RSF1: variants seen among roughly 807,000 people sequenced by gnomAD.
RSF1 encodes the protein HBV pX-associated protein 8.
In RSF1, 13 loss-of-function variants were observed where a neutral mutation model predicts 145.2. The ratio of observed to expected loss-of-function variants is 0.09; its 90% CI spans 0.06 to 0.14. The LOEUF (loss-of-function observed/expected upper bound fraction) is 0.14, where lower values mean the gene tolerates loss of function less well. Among genes scored for constraint, RSF1 ranks in the 10% least tolerant of loss-of-function variants. RSF1 has a pLI of 1.00. For synonymous variants in RSF1, 577 were observed against 592.6 expected, an observed-to-expected ratio of 0.97 and a Z score of 0.38; for missense variants, 1,517 against 1,718.2, an observed-to-expected ratio of 0.88 and a Z score of 2.07.
At chr11:77,869,042 CT>C in the RSF1 span, 1 of 340,392 alleles carries the variant, frequency 2.9e-6, no homozygotes. Context: ...TGGGACATTC[CT>C]TTTTGAACAG....
At chr11:77,805,276 C>T (rs1001846963) in intron 1 of RSF1, among the ~76,000 whole-genome samples, 1 of 151,942 alleles carries the variant, frequency 6.6e-6, no homozygotes, top group Non-Finnish European at 1.5e-5. Flanking sequence ...CGAGACCAGC[C>T]CGGCCTACAT....
At chr11:77,808,637 C>T (rs1286362073) in intron 1 of RSF1, among the ~76,000 whole-genome samples, 1 of 112,330 alleles carries the variant, frequency 8.9e-6, no homozygotes, top group Non-Finnish European at 1.7e-5. Flanking sequence ...GGGTTCACGC[C>T]ATTCTCCTGC....
intron 1 of RSF1, among the ~76,000 whole-genome samples, 158 bp from the exon 2 acceptor site, chr11:77,764,847 A>C (rs1040164558): frequency 6.6e-5 from 10 of 152,230 alleles, no homozygotes; most frequent in Non-Finnish European, 1.3e-4. Flanking sequence ...AAAAAAGCCT[A>C]AACTACAGCA....
intron 5 of RSF1, among the ~76,000 whole-genome samples, chr11:77,722,384 A>G (rs1280162308): frequency 1.3e-5 from 2 of 152,148 alleles, no homozygotes; most frequent in Non-Finnish European, 2.9e-5. Context: ...AGATGACCTT[A>G]TTACTCAAAA....
intron 1 of RSF1, among the ~76,000 whole-genome samples, chr11:77,767,234 T>C (rs1948235727): frequency 6.6e-6 from 1 of 152,190 alleles, no homozygotes; most frequent in Admixed American, 6.5e-5. Flanking sequence ...ATTTCTCCTT[T>C]TCCACAAACA....
intron 15 of RSF1, among the ~76,000 whole-genome samples, chr11:77,670,267 T>C (rs1022932317): frequency 1.3e-5 from 2 of 152,254 alleles, no homozygotes; most frequent in African/African-American, 2.4e-5. Flanking sequence ...TTCTGTTTGC[T>C]GAACATGACA....
upstream of RSF1, among the ~76,000 whole-genome samples, chr11:77,823,239 T>G (rs570091679): frequency 6.6e-4 from 79 of 119,788 alleles, no homozygotes; most frequent in Middle Eastern, 0.016. Context: ...AAAAAAGAAA[T>G]TAAAATCCTA....
rs1360313829 is a variant in RSF1, at chr11:77,661,564, G to C, written c.*5353C>G. 1 of 151,952 alleles carries C rather than the reference G, an allele frequency of 6.6e-6. No homozygotes were observed. Among genetic ancestry groups the C allele is most frequent in the Non-Finnish European group, 1.5e-5 (1 of 67,988 alleles). The allele number at this position is 151,952 out of a possible 1,614,324, so 9.4% of individuals were successfully genotyped here. A position where few individuals can be genotyped will look rare whatever the true frequency, so the allele number is the denominator to read the frequency against. On this transcript the variant is annotated 3_prime_UTR_variant, in exon 16 of 16. Transcript: ENST00000308488. ...GTTGACATGCACCAATTCTGCTAAA[G>C]GGCAGGAGAATGAAAAAGACATGGC... is the stretch of plus-strand genomic sequence containing the variant.
chr11:77,692,205 T>A (rs115599792), intron 8 of RSF1, among the ~76,000 whole-genome samples: 142 of 141,750 alleles, frequency 1.0e-3, no homozygotes, highest in African/African-American at 3.5e-3. Context: ...TTTCATCATT[T>A]AAAAAAAATA....
At chr11:77,809,666 G>C (rs1449568984) in intron 1 of RSF1, among the ~76,000 whole-genome samples, 1 of 152,188 alleles carries the variant, frequency 6.6e-6, no homozygotes, top group African/African-American at 2.4e-5. Flanking sequence ...TGCTGCTGTA[G>C]ATGGTTTATT....
intron 5 of RSF1, among the ~76,000 whole-genome samples, chr11:77,709,795 T>G (rs1316604188): frequency 1.3e-5 from 2 of 152,044 alleles, no homozygotes; most frequent in African/African-American, 4.8e-5. Context: ...AACCTCAAAC[T>G]TCTGAGCTCA....
At chr11:77,835,318 G>A in the RSF1 span, among the ~76,000 whole-genome samples, 1 of 152,148 alleles carries the variant, frequency 6.6e-6, no homozygotes, top group Non-Finnish European at 1.5e-5. Flanking sequence ...AACTATGAGA[G>A]TGAAGTCCTC....
At chr11:77,830,192 A>G in the RSF1 span, 1 of 152,268 alleles carries the variant, frequency 6.6e-6, no homozygotes, top group African/African-American at 2.4e-5. Flanking sequence ...TACATCCAGT[A>G]AGAGATTCAT....
intron 5 of RSF1, among the ~76,000 whole-genome samples, chr11:77,724,230 G>C (rs1043847828): frequency 3.3e-5 from 5 of 152,148 alleles, no homozygotes; most frequent in Non-Finnish European, 5.9e-5. Flanking sequence ...ACAGAAACAA[G>C]TGTTGGTGAG....
chr11:77,842,556 T>C, the RSF1 span: 3 of 1,613,968 alleles, frequency 1.9e-6, no homozygotes, highest in East Asian at 6.7e-5. Flanking sequence ...AAGGCTCTAA[T>C]ACAACCTATA....
chr11:77,862,503 G>A, the RSF1 span, among the ~76,000 whole-genome samples: 1 of 152,122 alleles, frequency 6.6e-6, no homozygotes, highest in South Asian at 2.1e-4. Flanking sequence ...CTTGGAGAGG[G>A]CATAATTGGG....
Position 77,737,900 on chromosome 11 carries a change from C to T in RSF1, c.578+2831G>A, listed in dbSNP as rs1488077589. 6.6e-5 allele frequency among the ~76,000 whole-genome samples: 10 copies of T among 152,128 alleles called. No homozygotes were observed. The East Asian group carries it at 9.6e-4, about 15-fold the overall frequency. On this transcript the variant is annotated intron_variant, in intron 4 of 15. Coordinates refer to ENST00000308488, the MANE Select transcript of RSF1 (RefSeq NM_016578.4). ...ATCCCAGCACTTTGGGAGGCTGAGG[C>T]GGGCAGATCACGAGGTCAGGAGATC...
chr11:77,725,041 C>T (rs1437457899), intron 5 of RSF1, among the ~76,000 whole-genome samples: 1 of 152,102 alleles, frequency 6.6e-6, no homozygotes, highest in Non-Finnish European at 1.5e-5. Flanking sequence ...TCATAAGAGA[C>T]AGATAGCAGA....
At chr11:77,868,660 A>G in the RSF1 span, 1 of 157,376 alleles carries the variant, frequency 6.4e-6, no homozygotes, top group Middle Eastern at 3.2e-3. Context: ...TTTTTAATGT[A>G]CAGTCCAGAG....
Sources: gnomAD v4.1 joint callset for allele counts (sites outside exome capture counted in the v4.1 genomes callset) on GRCh38, gnomAD v4.1.1 for gene constraint, MANE v1.5 for transcripts, NCBI Gene and HGNC (gene_info 2026-07-23, HGNC 2026-07-21) for gene names.